Variants in TKT observed in about 807,000 individuals in gnomAD.
TKT encodes the protein transketolase.
Under a neutral mutation model 63.9 loss-of-function variants are expected in TKT, and 47 were observed. The ratio of observed to expected loss-of-function variants is 0.74; its 90% CI spans 0.58 to 0.94. TKT has a LOEUF of 0.94. Ranked by LOEUF, TKT falls within the 40% of genes least tolerant of loss-of-function variation. TKT has a pLI of 0.00. For missense variants in TKT, 721 were observed against 846.2 expected (o/e 0.85, Z 1.84); for synonymous variants, 338 against 334.1 (o/e 1.01, Z -0.13).
chr3:53,246,334 A>G (rs1705503045), intron 1 of TKT, among the ~76,000 whole-genome samples: 1 of 152,186 alleles, frequency 6.6e-6, no homozygotes, highest in Admixed American at 6.6e-5. Flanking sequence ...ATTGTTTGCA[A>G]TTGCAAGACC....
chr3:53,238,164 C>T (rs1394258467), intron 4 of TKT, among the ~76,000 whole-genome samples: 1 of 152,130 alleles, frequency 6.6e-6, no homozygotes, highest in Non-Finnish European at 1.5e-5. Flanking sequence ...CTTCTGGGAA[C>T]CCAGCTAAAC....
Position 53,242,350 on chromosome 3 carries a change from A to G in TKT, c.108-108T>C. On this transcript the variant is annotated intron_variant, in intron 1 of 13. Transcript: ENST00000462138. ...GGGTGCATGTCCTGAGGAGTCACAC[A>G]GGCCTGGCTTATCAGACAGCCACGA... 14 of 1,066,176 alleles carry G rather than the reference A, an allele frequency of 1.3e-5. No individual in the cohort carries two copies. In the South Asian group the frequency reaches 1.8e-4, roughly 14 times the overall value. The allele number at this position is 1,066,176 out of a possible 1,614,324, so 66.0% of individuals were successfully genotyped here.
chr3:53,252,857 GAGA>G (rs1477789932), intron 1 of TKT, among the ~76,000 whole-genome samples: 9 of 130,608 alleles, frequency 6.9e-5, no homozygotes, highest in East Asian at 4.5e-4. Flanking sequence ...TTTTTTTTTT[GAGA>G]AGAAGTTTCA....
intron 1 of TKT, among the ~76,000 whole-genome samples, chr3:53,242,479 A>C (rs1487959026): frequency 1.3e-5 from 2 of 152,082 alleles, no homozygotes; most frequent in Non-Finnish European, 2.9e-5. Flanking sequence ...GTACCTTTCC[A>C]GGGGCATCAG....
chr3:53,244,936 C>T (rs1367418820), intron 1 of TKT, among the ~76,000 whole-genome samples: 2 of 151,308 alleles, frequency 1.3e-5, no homozygotes, highest in Non-Finnish European at 2.9e-5. Context: ...AAACAGTCCA[C>T]TTACAACCCC....
intron 1 of TKT, among the ~76,000 whole-genome samples, chr3:53,246,142 C>T (rs1705492134): frequency 2.0e-5 from 3 of 152,012 alleles, no homozygotes; most frequent in Non-Finnish European, 4.4e-5. Context: ...GTGGCAGGCA[C>T]CCGTAATCCC....
intron 1 of TKT, among the ~76,000 whole-genome samples, chr3:53,250,299 C>T (rs1020766153): frequency 1.3e-5 from 2 of 152,206 alleles, no homozygotes; most frequent in Non-Finnish European, 2.9e-5. Context: ...GCCCTCAAGC[C>T]TTCAGCCAAA....
chr3:53,244,781 C>T (rs1172852253), intron 1 of TKT, among the ~76,000 whole-genome samples: 1 of 151,298 alleles, frequency 6.6e-6, no homozygotes, highest in African/African-American at 2.4e-5. Flanking sequence ...TCTGGGTGAA[C>T]ACTGGCGAGA....
chr3:53,230,517 C>T lies in TKT; in HGVS notation c.1047G>A (p.Glu349=). 1 of 1,614,214 alleles carries T rather than the reference C, an allele frequency of 6.2e-7. No homozygotes were observed. The highest frequency in any genetic ancestry group is 8.5e-7 in the Non-Finnish European group (1 of 1,180,034). The change falls in exon 8 of 14, where the codon GAG becomes GAA. Residue 349 remains glutamate, a synonymous_variant. Transcript: ENST00000462138. ...GGTCCGGGTGCTCCTTTTTGAAGAT[C>T]TCCGAGAAGGTGGAATTTTTGGTGT... ...DGDTKNSTFS[E]IFKKEHPDRF...
intron 12 of TKT, 70 bp from the exon 13 acceptor site, chr3:53,226,948 G>A: frequency 1.3e-6 from 2 of 1,533,532 alleles, no homozygotes; most frequent in Non-Finnish European, 1.8e-6. Flanking sequence ...GTGGGGGCCT[G>A]GTGGGACATC....
chr3:53,226,008 A>AGT (rs1312176944), intron 13 of TKT, 77 bp from the exon 14 acceptor site: 2 of 1,443,708 alleles, frequency 1.4e-6, no homozygotes, highest in Non-Finnish European at 1.9e-6. Flanking sequence ...TGTCAGCCTT[A>AGT]GTCAAGGATG....
intron 5 of TKT, 192 bp from the exon 6 acceptor site, chr3:53,233,466 T>TC (rs1318624596): frequency 1.4e-5 from 7 of 511,732 alleles, no homozygotes; most frequent in Non-Finnish European, 2.1e-5. Context: ...CTTTTCTTTT[T>TC]CACATTATTT....
At chr3:53,235,934 C>T (rs562864434) in intron 4 of TKT, among the ~76,000 whole-genome samples, 33 of 32,486 alleles carry the variant, frequency 1.0e-3, no homozygotes, top group Admixed American at 4.1e-3. Flanking sequence ...GCAAACAGAA[C>T]GTTCCCGGCC....
At chr3:53,239,224 A>G (rs1705167599) in intron 4 of TKT, among the ~76,000 whole-genome samples, 1 of 151,794 alleles carries the variant, frequency 6.6e-6, no homozygotes, top group Non-Finnish European at 1.5e-5. Flanking sequence ...AGTCCATTAG[A>G]CCTCTTTTTC....
At chr3:53,228,456 G>C in intron 10 of TKT, 97 bp from the exon 11 acceptor site, 1 of 1,354,902 alleles carries the variant, frequency 7.4e-7, no homozygotes, top group Non-Finnish European at 1.0e-6. Flanking sequence ...CCATGGGAGC[G>C]TTAGTTACTG....
Position 53,233,196 on chromosome 3 carries a change from TGTTGGCTGGTGCTTGG to T in TKT, c.692_707del (p.Ala231GlufsTer16). On this transcript the variant is annotated frameshift_variant, in exon 6 of 14. Transcript: ENST00000462138. LOFTEE classifies it high-confidence loss of function. ...CCTTGAAGGTCTTGGCAATGATGGC[TGTTGGCTGGTGCTTGG>T]CCTGGCCAAAGGCCTTGCACAGCTC... The T allele has an allele frequency of 1.9e-6, 3 of 1,613,998 alleles. No homozygotes were observed. The highest frequency in any genetic ancestry group is 2.5e-6 in the Non-Finnish European group (3 of 1,179,956).
intron 8 of TKT, among the ~76,000 whole-genome samples, chr3:53,230,099 T>A (rs6445572): frequency 0.96 from 146,891 of 152,280 alleles, 71,064 homozygotes; most frequent in East Asian, 1. Context: ...ACAGGTGCTC[T>A]ACAGACTCGG....
At position 53,252,842 on chromosome 3, in the gene TKT, T is replaced by C. The variant is rs1375458024; in HGVS notation, c.107+2994A>G. ...GCACAGACTGCTTGCCCAAGAGGCA[T>C]TCTTTTTTTTTTTTGAGAAGAAGTT... On this transcript the variant is annotated intron_variant, in intron 1 of 13. Transcript: ENST00000462138. Among the ~76,000 whole-genome samples, 3 of 133,232 alleles carry C rather than the reference T, an allele frequency of 2.3e-5. No homozygotes were observed. The Admixed American group carries it at 2.8e-4, about 12-fold the overall frequency. The allele number at this position is 133,232 out of a possible 152,430, so 87.4% of individuals were successfully genotyped here. A position where few individuals can be genotyped will look rare whatever the true frequency, so the allele number is the denominator to read the frequency against.
intron 4 of TKT, among the ~76,000 whole-genome samples, chr3:53,236,146 G>A (rs895083528): frequency 2.0e-5 from 3 of 152,240 alleles, no homozygotes; most frequent in Non-Finnish European, 2.9e-5. Flanking sequence ...ACCCTGCCCA[G>A]TGTCTAGCTG....
Sources: gnomAD v4.1 joint callset for allele counts (sites outside exome capture counted in the v4.1 genomes callset) on GRCh38, gnomAD v4.1.1 for gene constraint, MANE v1.5 for transcripts, NCBI Gene and HGNC (gene_info 2026-07-23, HGNC 2026-07-21) for gene names.